Variants in EDARADD observed in about 807,000 individuals in gnomAD.
EDARADD encodes ectodysplasin-A receptor-associated adapter protein.
A neutral mutation model predicts 25.6 loss-of-function variants in EDARADD; 20 were observed. The observed-to-expected ratio is 0.78, with a 90% confidence interval of 0.55 to 1.14. EDARADD has a LOEUF of 1.14. EDARADD is among the 50% of genes most tolerant of loss of function. The pLI is 0.00. For synonymous variants in EDARADD, 86 were observed against 94.4 expected, an observed-to-expected ratio of 0.91 and a Z score of 0.52; for missense variants, 225 against 270.1, an observed-to-expected ratio of 0.83 and a Z score of 1.17.
intron 1 of EDARADD, among the ~76,000 whole-genome samples, chr1:236,348,511 A>T (rs1666877980): frequency 6.6e-6 from 1 of 152,202 alleles, no homozygotes; most frequent in Non-Finnish European, 1.5e-5. Flanking sequence ...CCCCGGTTAC[A>T]GCCTCTAAAT....
At chr1:236,392,876 G>A (rs576660165), upstream of EDARADD, among the ~76,000 whole-genome samples, 13 of 152,130 alleles carry the variant, frequency 8.5e-5, no homozygotes, top group African/African-American at 2.9e-4. Flanking sequence ...CACCATGTTG[G>A]GCAGTCTGAT....
Position 236,483,889 on chromosome 1 carries a change from T to A in EDARADD, c.*1240T>A. Reference sequence around the variant, plus strand: ...GCTGGCTACACTGATAAGGTGATCGTCAGCATGGACGTAGAGGCCTCCGAG... The same window carrying A: ...GCTGGCTACACTGATAAGGTGATCGACAGCATGGACGTAGAGGCCTCCGAG... On this transcript the variant is annotated 3_prime_UTR_variant, in exon 6 of 6. Transcript: ENST00000334232. 2 of 1,381,848 alleles carry A rather than the reference T, an allele frequency of 1.4e-6. No homozygotes were observed. 85.6% of individuals were successfully genotyped at this position (1,381,848 alleles called of 1,614,324 possible).
At chr1:236,404,960 G>C (rs1667680052) in intron 1 of EDARADD, among the ~76,000 whole-genome samples, 1 of 152,108 alleles carries the variant, frequency 6.6e-6, no homozygotes, top group South Asian at 2.1e-4. Flanking sequence ...CGGGCATAGT[G>C]GTGGGCACCT....
intron 4 of EDARADD, among the ~76,000 whole-genome samples, chr1:236,437,188 C>T (rs1056393889): frequency 6.6e-6 from 1 of 152,156 alleles, no homozygotes; most frequent in African/African-American, 2.4e-5. Context: ...CAGCACATAT[C>T]CCTAAAGGCA....
intron 3 of EDARADD, among the ~76,000 whole-genome samples, chr1:236,370,076 C>T (rs1292469583): frequency 1.3e-5 from 2 of 152,130 alleles, no homozygotes; most frequent in African/African-American, 4.8e-5. Flanking sequence ...AAACATGTAA[C>T]CACCCAAAGG....
chr1:236,434,612 C>A (rs1448765466), intron 4 of EDARADD, among the ~76,000 whole-genome samples: 1 of 152,120 alleles, frequency 6.6e-6, no homozygotes, highest in Non-Finnish European at 1.5e-5. Context: ...CAAGACAATT[C>A]TTCTTCTTCC....
chr1:236,353,136 T>C (rs1447422583), intron 3 of EDARADD, among the ~76,000 whole-genome samples: 1 of 152,214 alleles, frequency 6.6e-6, no homozygotes, highest in Non-Finnish European at 1.5e-5. Context: ...GACTCCAGCC[T>C]TGAACTGAGG....
At chr1:236,350,583 A>T (rs651200) in intron 2 of EDARADD, 52,903 of 152,228 alleles carry the variant, frequency 0.35, 9,500 homozygotes, top group African/African-American at 0.44. Flanking sequence ...ACAGAATGAG[A>T]GTTCTGTTGA....
rs34509027 is a variant in EDARADD, at chr1:236,385,089, C to CTTTTTTTTTTTTTTTT, written c.-5-24125_-5-24110dup. 8.4e-4 allele frequency among the ~76,000 whole-genome samples: 103 copies of CTTTTTTTTTTTTTTTT among 121,932 alleles called. 1 individual carries two copies. The highest frequency in any genetic ancestry group is 1.3e-3 in the African/African-American group (38 of 29,744). 80.0% of individuals were successfully genotyped at this position (121,932 alleles called of 152,430 possible). A position where few individuals can be genotyped will look rare whatever the true frequency, so the allele number is the denominator to read the frequency against. On this transcript the variant is annotated intron_variant, in intron 3 of 7. Coordinates refer to the EDARADD transcript ENST00000439430. ...GATTTTTATTCTATGCCTTTTGATT[C>CTTTTTTTTTTTTTTTT]TTTTTTTTTTTTTTTTTGCCTTAAG...
intron 4 of EDARADD, among the ~76,000 whole-genome samples, chr1:236,459,838 T>C (rs1658991083): frequency 6.6e-6 from 1 of 152,064 alleles, no homozygotes; most frequent in Admixed American, 6.6e-5. Context: ...GGTCTCAAAC[T>C]CCTGGCCTTA....
chr1:236,434,548 A>AT (rs907507517), intron 4 of EDARADD, among the ~76,000 whole-genome samples: 5 of 151,872 alleles, frequency 3.3e-5, no homozygotes, highest in Admixed American at 6.6e-5. Flanking sequence ...CCTTTTTGTG[A>AT]TTTTTTTAAA....
At chr1:236,467,910 A>G (rs1558135193) in intron 4 of EDARADD, among the ~76,000 whole-genome samples, 2 of 152,122 alleles carry the variant, frequency 1.3e-5, no homozygotes, top group Non-Finnish European at 2.9e-5. Flanking sequence ...GGCACGAACT[A>G]TGGTGCCCAG....
chr1:236,402,734 T>C (rs1667635652), intron 1 of EDARADD, among the ~76,000 whole-genome samples: 1 of 151,970 alleles, frequency 6.6e-6, no homozygotes, highest in East Asian at 2.0e-4. Flanking sequence ...TAGAACCTGA[T>C]TATACTGGAA....
intron 2 of EDARADD, among the ~76,000 whole-genome samples, chr1:236,411,695 CCCACCAACGGGCCTGG>C (rs1558115082): frequency 6.6e-6 from 1 of 151,964 alleles, no homozygotes; most frequent in African/African-American, 2.4e-5. Context: ...ATTACAGGTG[CCCACCAACGGGCCTGG>C]CTAATTTTTT....
intron 5 of EDARADD, among the ~76,000 whole-genome samples, chr1:236,482,061 G>T (rs1291510815): frequency 6.7e-6 from 1 of 148,778 alleles, no homozygotes; most frequent in Admixed American, 6.7e-5. Flanking sequence ...CTTGCAGTGA[G>T]CCGAGATAGT....
intron 4 of EDARADD, among the ~76,000 whole-genome samples, chr1:236,465,641 T>C (rs1659166711): frequency 6.6e-6 from 1 of 152,202 alleles, no homozygotes; most frequent in Admixed American, 6.5e-5. Context: ...GTTTAAGTGG[T>C]CTCCATTTCC....
chr1:236,384,009 AT>A (rs1337788824), intron 3 of EDARADD, among the ~76,000 whole-genome samples: 3 of 152,204 alleles, frequency 2.0e-5, no homozygotes, highest in Non-Finnish European at 4.4e-5. Flanking sequence ...TCTCAAAAAA[AT>A]AAAATAAAAT....
At chr1:236,466,602 A>G (rs927254895) in intron 4 of EDARADD, among the ~76,000 whole-genome samples, 1 of 152,216 alleles carries the variant, frequency 6.6e-6, no homozygotes, top group Non-Finnish European at 1.5e-5. Context: ...ACTTAGGAGA[A>G]AAGTCTAGCT....
At position 236,395,907 on chromosome 1, in the gene EDARADD, G is replaced by C. The variant is rs1316473304; in HGVS notation, c.61+1402G>C. On this transcript the variant is annotated intron_variant, in intron 1 of 5. Coordinates refer to ENST00000334232, the MANE Select transcript of EDARADD (RefSeq NM_145861.4). This position sits in a 1 kb window ranked among gnomAD's most constrained non-coding sequence, Gnocchi z 6.9. ...GCCCCTGCCCCGCGTCAGCCACCGC[G>C]CGCCTTCCCCCTGCCCATGCCGCAG... is the stretch of plus-strand genomic sequence containing the variant. 6.6e-6 allele frequency among the ~76,000 whole-genome samples: 1 copy of C among 152,170 alleles called. No homozygotes were observed. Among genetic ancestry groups the C allele is most frequent in the Non-Finnish European group, 1.5e-5 (1 of 68,034 alleles).
Sources: allele counts gnomAD v4.1 joint callset (sites outside exome capture counted in the v4.1 genomes callset), GRCh38; gene constraint gnomAD v4.1.1; non-coding constraint Gnocchi (gnomAD v3.1); transcripts MANE v1.5; gene names NCBI Gene and HGNC (gene_info 2026-07-23, HGNC 2026-07-21).